Variants in GABRB1 observed in about 807,000 individuals in gnomAD.
GABRB1 encodes the protein gamma-aminobutyric acid type A receptor subunit beta1, also known as gamma-aminobutyric acid receptor subunit beta-1.
A neutral mutation model predicts 51.6 loss-of-function variants in GABRB1; 17 were observed. That is an observed-to-expected ratio of 0.33 (90% CI 0.23 to 0.49). The LOEUF (loss-of-function observed/expected upper bound fraction) is 0.49. GABRB1 is among the 20% of genes least tolerant of loss of function. GABRB1 has a pLI of 0.99. For missense variants in GABRB1, 410 were observed against 600.6 expected (o/e 0.68, Z 3.32); for synonymous variants, 247 against 218.9 (o/e 1.13, Z -1.14).
intron 8 of GABRB1, among the ~76,000 whole-genome samples, chr4:47,421,705 T>A (rs1048434639): frequency 1.3e-5 from 2 of 152,122 alleles, no homozygotes; most frequent in Non-Finnish European, 2.9e-5. Flanking sequence ...CAAGGCCCAC[T>A]GTTACAAGAA....
intron 3 of GABRB1, among the ~76,000 whole-genome samples, chr4:47,068,390 A>C (rs1461547047): frequency 1.3e-5 from 2 of 152,236 alleles, no homozygotes; most frequent in Non-Finnish European, 2.9e-5. Flanking sequence ...TCTTTGGTGC[A>C]AGAGACCAAT....
chr4:47,057,127 C>A (rs138397939), intron 3 of GABRB1, among the ~76,000 whole-genome samples: 1 of 151,964 alleles, frequency 6.6e-6, no homozygotes, highest in Non-Finnish European at 1.5e-5. Context: ...AACAAACAAA[C>A]AAACCATAAG....
At chr4:47,296,461 A>G (rs1329996052) in intron 4 of GABRB1, among the ~76,000 whole-genome samples, 1 of 152,228 alleles carries the variant, frequency 6.6e-6, no homozygotes, top group Non-Finnish European at 1.5e-5. Flanking sequence ...TTGCAATCCT[A>G]GTCTCTGATA....
intron 3 of GABRB1, among the ~76,000 whole-genome samples, chr4:47,133,430 G>T (rs528328147): frequency 6.6e-6 from 1 of 152,262 alleles, no homozygotes; most frequent in African/African-American, 2.4e-5. Context: ...GATGCCTTGG[G>T]CATGTGAAGT....
At chr4:47,024,986 ATCT>A (rs1725045891) in intron 1 of GABRB1, among the ~76,000 whole-genome samples, 1 of 120,832 alleles carries the variant, frequency 8.3e-6, no homozygotes, top group Non-Finnish European at 1.7e-5. Context: ...AACTAATAAA[ATCT>A]TCTACTGTGC....
chr4:47,299,346 A>G (rs561939843), intron 4 of GABRB1, among the ~76,000 whole-genome samples: 1 of 152,344 alleles, frequency 6.6e-6, no homozygotes, highest in South Asian at 2.1e-4. Context: ...CTCATCTGAC[A>G]AAGGGCTAAT....
intron 4 of GABRB1, among the ~76,000 whole-genome samples, chr4:47,286,433 C>T (rs868713278): frequency 1.8e-4 from 28 of 152,246 alleles, no homozygotes; most frequent in Admixed American, 1.4e-3. Flanking sequence ...CCATTGTCTG[C>T]AGGATAGAGT....
chr4:47,169,736 A>G (rs541819067), intron 4 of GABRB1, among the ~76,000 whole-genome samples: 3 of 152,096 alleles, frequency 2.0e-5, no homozygotes, highest in Admixed American at 2.0e-4. Context: ...TCTTAATCTC[A>G]GGTGATCCCC....
At chr4:47,360,239 A>G (rs1726753379) in intron 5 of GABRB1, among the ~76,000 whole-genome samples, 1 of 151,936 alleles carries the variant, frequency 6.6e-6, no homozygotes, top group African/African-American at 2.4e-5. Context: ...TTTTTTTTCC[A>G]GAAAATTTGA....
chr4:47,400,684 T>G (rs1175348390), intron 5 of GABRB1, among the ~76,000 whole-genome samples: 1 of 152,102 alleles, frequency 6.6e-6, no homozygotes, highest in East Asian at 1.9e-4. Flanking sequence ...TAGTGTACAT[T>G]GTACCTAATA....
chr4:47,285,060 A>G (rs1723457037), intron 4 of GABRB1, among the ~76,000 whole-genome samples: 1 of 152,208 alleles, frequency 6.6e-6, no homozygotes, highest in African/African-American at 2.4e-5. Context: ...ATACAATGAG[A>G]GTATTTGCAG....
At chr4:47,271,470 A>T (rs993046104) in intron 4 of GABRB1, among the ~76,000 whole-genome samples, 1 of 152,172 alleles carries the variant, frequency 6.6e-6, no homozygotes, top group Non-Finnish European at 1.5e-5. Flanking sequence ...TTCTCCAGAA[A>T]GAGGCACTGA....
chr4:47,030,861 T>C (rs1171899056), upstream of GABRB1, among the ~76,000 whole-genome samples: 1 of 151,954 alleles, frequency 6.6e-6, no homozygotes, highest in Non-Finnish European at 1.5e-5. Flanking sequence ...TGGATGGCCC[T>C]AGAAAAAAAG....
intron 1 of GABRB1, among the ~76,000 whole-genome samples, chr4:47,020,601 C>T (rs577355179): frequency 6.6e-6 from 1 of 152,298 alleles, no homozygotes; most frequent in East Asian, 1.9e-4. Context: ...CTTTTACTCA[C>T]TTCTTTTCCT....
chr4:47,338,710 T>G (rs1168431190), intron 5 of GABRB1, among the ~76,000 whole-genome samples: 3 of 152,210 alleles, frequency 2.0e-5, no homozygotes, highest in Non-Finnish European at 4.4e-5. Context: ...CGAAGCACCA[T>G]GCAGATGATT....
At chr4:47,060,956 C>A (rs971918467) in intron 3 of GABRB1, among the ~76,000 whole-genome samples, 1 of 152,004 alleles carries the variant, frequency 6.6e-6, no homozygotes, top group Admixed American at 6.6e-5. Flanking sequence ...GGTTTCAAAT[C>A]GAAGAATTAA....
chr4:47,338,896 C>T (rs149347527), intron 5 of GABRB1, among the ~76,000 whole-genome samples: 7 of 152,066 alleles, frequency 4.6e-5, no homozygotes, highest in African/African-American at 1.7e-4. Context: ...GAGTTGGGGG[C>T]AGATGTGCTG....
intron 1 of GABRB1, among the ~76,000 whole-genome samples, chr4:47,018,873 G>T (rs570265288): frequency 6.6e-6 from 1 of 152,074 alleles, no homozygotes; most frequent in Non-Finnish European, 1.5e-5. Context: ...AAGAAAATCC[G>T]CGTATAAGTG....
chr4:47,206,902 G>T (rs769602252), intron 4 of GABRB1, among the ~76,000 whole-genome samples: 9 of 151,638 alleles, frequency 5.9e-5, no homozygotes, highest in Non-Finnish European at 1.2e-4. Context: ...GTATATGTGT[G>T]TGTGTTTATC....
Sources: gnomAD v4.1 joint callset for allele counts (sites outside exome capture counted in the v4.1 genomes callset) on GRCh38, gnomAD v4.1.1 for gene constraint, MANE v1.5 for transcripts, NCBI Gene and HGNC (gene_info 2026-07-23, HGNC 2026-07-21) for gene names.